Variants in TRPS1 observed in about 807,000 individuals in gnomAD.
TRPS1 encodes the protein zinc finger transcription factor Trps1.
TRPS1 carries 6 observed loss-of-function variants against 101.2 expected under a neutral mutation model. That is an observed-to-expected ratio of 0.06 (90% CI 0.03 to 0.12). The LOEUF (loss-of-function observed/expected upper bound fraction) is 0.12. TRPS1 is among the 10% of genes least tolerant of loss of function. The pLI, the probability that TRPS1 is intolerant of heterozygous loss-of-function variation, is 1.00. For missense variants in TRPS1, 1,363 were observed against 1,567.0 expected (o/e 0.87, Z 2.20); for synonymous variants, 578 against 589.8 (o/e 0.98, Z 0.29).
intron 3 of TRPS1, among the ~76,000 whole-genome samples, chr8:115,613,562 C>A (rs775192002): frequency 2.6e-5 from 4 of 152,194 alleles, no homozygotes; most frequent in Non-Finnish European, 5.9e-5. Context: ...GACAGGCTTC[C>A]GTGGCCTGTC....
rs1816742967 is a variant in TRPS1 at position 115,553,234 on chromosome 8, T to TA, written c.2700+33766dup. Among the ~76,000 whole-genome samples, 3 of 152,100 alleles carry TA rather than the reference T, an allele frequency of 2.0e-5. No homozygotes were observed. In the South Asian group the frequency reaches 6.2e-4, roughly 31 times the overall value. On this transcript the variant is annotated intron_variant, in intron 5 of 6. Coordinates refer to ENST00000395715, the MANE Select transcript of TRPS1 (RefSeq NM_014112.5). ...GTAAGTAGTATTTTTTGTTGCTTTT[T>TA]ACCAAGATTATTGAGATGTAACCTT...
chr8:115,462,190 G>A (rs1814197580), intron 5 of TRPS1, among the ~76,000 whole-genome samples: 1 of 152,178 alleles, frequency 6.6e-6, no homozygotes, highest in African/African-American at 2.4e-5. Context: ...TGGCTCTCAA[G>A]GAACAAGATA....
At chr8:115,658,531 A>C (rs905752091) in intron 1 of TRPS1, among the ~76,000 whole-genome samples, 1 of 152,194 alleles carries the variant, frequency 6.6e-6, no homozygotes, top group African/African-American at 2.4e-5. Context: ...AAAAATTAAA[A>C]GGAGGGAAAC....
chr8:115,561,845 G>C (rs1816953489), intron 5 of TRPS1, among the ~76,000 whole-genome samples: 1 of 151,326 alleles, frequency 6.6e-6, no homozygotes, highest in Admixed American at 6.6e-5. Context: ...AAAAAAAAAA[G>C]AACACAATTG....
chr8:115,633,344 G>C (rs1586478239), intron 1 of TRPS1, among the ~76,000 whole-genome samples: 1 of 152,130 alleles, frequency 6.6e-6, no homozygotes, highest in Admixed American at 6.6e-5. Flanking sequence ...AAACAGAAGA[G>C]AGGATAAGAA....
At position 115,603,853 on chromosome 8, in the gene TRPS1, C is replaced by G; in HGVS notation, c.2096+20G>C. On this transcript the variant is annotated intron_variant, in intron 4 of 6. Transcript: ENST00000395715. ...TATTTTATTTGTATATTCCTCCCGA[C>G]CCCACCCCCCATGCCTCACCTGTAG... The G allele has an allele frequency of 6.2e-7, 1 of 1,613,670 alleles. No individual in the cohort carries two copies. The highest frequency in any genetic ancestry group is 8.5e-7 in the Non-Finnish European group (1 of 1,179,798).
At chr8:115,563,542 T>G (rs1450131014) in intron 5 of TRPS1, among the ~76,000 whole-genome samples, 2 of 152,122 alleles carry the variant, frequency 1.3e-5, no homozygotes, top group Non-Finnish European at 2.9e-5. Context: ...TTTCCTCTCA[T>G]GCAAATGTAA....
At chr8:115,416,550 TATTC>T (rs1812925301) in intron 6 of TRPS1, among the ~76,000 whole-genome samples, 1 of 148,452 alleles carries the variant, frequency 6.7e-6, no homozygotes, top group African/African-American at 2.4e-5. Flanking sequence ...TAAACATAAA[TATTC>T]ATAAACATGT....
intron 5 of TRPS1, among the ~76,000 whole-genome samples, chr8:115,521,641 T>C (rs1223717662): frequency 2.6e-5 from 4 of 151,914 alleles, no homozygotes; most frequent in Non-Finnish European, 4.4e-5. Flanking sequence ...ATCACATTCA[T>C]CTAACGTTCC....
In TRPS1 at chr8:115,531,845, C is replaced by T. The variant is rs183393408; in HGVS notation, c.2700+55156G>A. ...TGGAGGCATAACAGGGAATCCAGAG[C>T]ATGAAGACGTCTGATGGAGGCGGGT... On this transcript the variant is annotated intron_variant, in intron 5 of 6. Coordinates refer to ENST00000395715, the MANE Select transcript of TRPS1 (RefSeq NM_014112.5). 3.9e-5 allele frequency among the ~76,000 whole-genome samples: 6 copies of T among 152,184 alleles called. No individual in the cohort carries two copies. In the East Asian group the frequency reaches 1.2e-3, roughly 29 times the overall value.
intron 5 of TRPS1, among the ~76,000 whole-genome samples, chr8:115,512,467 T>C (rs572385552): frequency 1.3e-5 from 2 of 151,746 alleles, no homozygotes; most frequent in African/African-American, 4.8e-5. Context: ...TTTCTAGAAA[T>C]AACTGTATCA....
chr8:115,600,794 A>T (rs1256223934), intron 4 of TRPS1, among the ~76,000 whole-genome samples: 1 of 152,024 alleles, frequency 6.6e-6, no homozygotes, highest in Non-Finnish European at 1.5e-5. Context: ...TAACACTGAA[A>T]ATTTTGATAA....
intron 5 of TRPS1, among the ~76,000 whole-genome samples, chr8:115,519,538 A>G (rs976710311): frequency 4.0e-5 from 6 of 151,612 alleles, no homozygotes; most frequent in African/African-American, 1.4e-4. Context: ...TAAGAGCGGA[A>G]TTTTAAATTA....
Position 115,409,286 on chromosome 8 carries a change from G to A in TRPS1, c.*4737C>T, listed in dbSNP as rs1482416250. 5.5e-5 allele frequency: 4 copies of A among 72,486 alleles called. No homozygotes were observed. The highest frequency in any genetic ancestry group is 1.3e-4 in the Admixed American group (1 of 7,548). The allele number at this position is 72,486 out of a possible 1,614,324, so 4.5% of individuals were successfully genotyped here. On this transcript the variant is annotated 3_prime_UTR_variant, in exon 7 of 7. Transcript: ENST00000395715. ...GAAAAAAAAAAAAAAAAAAAACAGG[G>A]GAAAACCAGAATTGAGTTTTGGGAC... is the stretch of plus-strand genomic sequence containing the variant.
intron 5 of TRPS1, among the ~76,000 whole-genome samples, chr8:115,443,847 C>T (rs1349492534): frequency 6.6e-6 from 1 of 152,210 alleles, no homozygotes; most frequent in Non-Finnish European, 1.5e-5. Flanking sequence ...GACTGGCTGA[C>T]ACCAACATTT....
At chr8:115,596,873 TA>T (rs1817800045) in intron 4 of TRPS1, among the ~76,000 whole-genome samples, 2 of 151,910 alleles carry the variant, frequency 1.3e-5, no homozygotes, top group Non-Finnish European at 3.0e-5. Context: ...TTTGAATTTA[TA>T]TAAAACACTA....
intron 5 of TRPS1, among the ~76,000 whole-genome samples, chr8:115,550,825 T>C (rs985554052): frequency 3.9e-5 from 6 of 152,240 alleles, no homozygotes; most frequent in South Asian, 2.1e-4. Flanking sequence ...CCACTGTTCA[T>C]GTAAACATTA....
At chr8:115,426,528 A>C (rs1031690898) in intron 5 of TRPS1, among the ~76,000 whole-genome samples, 2 of 152,080 alleles carry the variant, frequency 1.3e-5, no homozygotes, top group African/African-American at 4.8e-5. Flanking sequence ...AAAACAGAAA[A>C]AAAATCAATA....
chr8:115,660,408 C>T (rs977905931), intron 1 of TRPS1, among the ~76,000 whole-genome samples: 6 of 151,952 alleles, frequency 3.9e-5, no homozygotes, highest in African/African-American at 7.2e-5. Flanking sequence ...TTGTCTTATA[C>T]GGTACTGGAT....
Sources: allele counts gnomAD v4.1 joint callset (sites outside exome capture counted in the v4.1 genomes callset), GRCh38; gene constraint gnomAD v4.1.1; transcripts MANE v1.5; gene names NCBI Gene and HGNC (gene_info 2026-07-23, HGNC 2026-07-21).